Variants in PRKN observed in about 807,000 individuals in gnomAD.
PRKN encodes parkin RBR E3 ubiquitin protein ligase, also known as E3 ubiquitin-protein ligase parkin.
Under a neutral mutation model 59.5 loss-of-function variants are expected in PRKN, and 56 were observed. That is an observed-to-expected ratio of 0.94 (90% CI 0.76 to 1.18). The LOEUF (loss-of-function observed/expected upper bound fraction) is 1.18, where lower values mean the gene tolerates loss of function less well. PRKN is among the 50% of genes most tolerant of loss of function. PRKN has a pLI of 0.00. For synonymous variants in PRKN, 250 were observed against 222.1 expected, an observed-to-expected ratio of 1.13 and a Z score of -1.12; for missense variants, 657 against 596.4, an observed-to-expected ratio of 1.10 and a Z score of -1.06.
At chr6:161,864,425 T>A (rs1794030195) in intron 6 of PRKN, among the ~76,000 whole-genome samples, 1 of 152,184 alleles carries the variant, frequency 6.6e-6, no homozygotes, top group South Asian at 2.1e-4. Context: ...ATCTTCAGGC[T>A]CCACTTCTCA....
intron 4 of PRKN, among the ~76,000 whole-genome samples, chr6:162,153,319 C>G (rs1782355167): frequency 1.3e-5 from 2 of 151,924 alleles, no homozygotes; most frequent in African/African-American, 4.8e-5. Flanking sequence ...GAAGTGAGTG[C>G]AAGAAATGGT....
chr6:161,641,791 C>CTG (rs773840077), intron 7 of PRKN, among the ~76,000 whole-genome samples: 1 of 152,214 alleles, frequency 6.6e-6, no homozygotes, highest in Non-Finnish European at 1.5e-5. Context: ...GCAAAGTGCC[C>CTG]TGTGGCGCTT....
intron 1 of PRKN, among the ~76,000 whole-genome samples, chr6:162,685,642 T>C (rs937480632): frequency 2.0e-5 from 3 of 152,136 alleles, no homozygotes; most frequent in African/African-American, 7.2e-5. Context: ...GCCAAGGAAA[T>C]CCACTTACTA....
chr6:161,735,172 G>A (rs1024713989), intron 7 of PRKN, among the ~76,000 whole-genome samples: 22 of 151,156 alleles, frequency 1.5e-4, no homozygotes, highest in Non-Finnish European at 2.8e-4. Context: ...ACATGGTGAA[G>A]GGTACAGTTG....
chr6:162,726,985 T>G, intron 1 of PRKN: 1 of 138,344 alleles, frequency 7.2e-6, no homozygotes, highest in Non-Finnish European at 1.5e-5. Context: ...AACTTGCACC[T>G]CGGTCGTTCT....
At chr6:162,342,421 G>A (rs1784219159) in intron 2 of PRKN, among the ~76,000 whole-genome samples, 1 of 152,212 alleles carries the variant, frequency 6.6e-6, no homozygotes. Context: ...ACGATGTGAA[G>A]TAGTTTACAT....
rs1315265227 is a variant in PRKN, at chr6:161,561,515, G to A, written c.933+7840C>T. 6.6e-6 allele frequency among the ~76,000 whole-genome samples: 1 copy of A among 152,100 alleles called. No individual in the cohort carries two copies. Among genetic ancestry groups the A allele is most frequent in the Non-Finnish European group, 1.5e-5 (1 of 68,022 alleles). On this transcript the variant is annotated intron_variant, in intron 8 of 11. Coordinates refer to ENST00000366898, the MANE Select transcript of PRKN (RefSeq NM_004562.3). This position sits in a 1 kb window ranked among gnomAD's most constrained non-coding sequence, Gnocchi z 5.0. ...AGTGAAAAATGACATCTTCCTTCGT[G>A]GAGCCATCATACTGCATCTCTCCTC...
At chr6:161,615,786 T>C (rs1782671363) in intron 7 of PRKN, among the ~76,000 whole-genome samples, 1 of 152,224 alleles carries the variant, frequency 6.6e-6, no homozygotes, top group Admixed American at 6.5e-5. Context: ...ATGGCTGCAG[T>C]GGCTGCAACG....
At chr6:161,783,622 G>T (rs1790300020) in intron 7 of PRKN, 3 of 499,932 alleles carry the variant, frequency 6.0e-6, no homozygotes, top group African/African-American at 5.9e-5. Context: ...GTGAAGGGAA[G>T]ACTTGAAAAT....
intron 4 of PRKN, among the ~76,000 whole-genome samples, chr6:162,123,220 A>G (rs1277958736): frequency 1.3e-5 from 2 of 152,144 alleles, no homozygotes; most frequent in African/African-American, 2.4e-5. Context: ...TTCCATGTCC[A>G]AAAGTACAAG....
At chr6:162,256,274 T>G (rs1779636424) in intron 3 of PRKN, among the ~76,000 whole-genome samples, 1 of 152,180 alleles carries the variant, frequency 6.6e-6, no homozygotes, top group African/African-American at 2.4e-5. Context: ...CTGTTTTTCT[T>G]ACATAAGTAG....
chr6:162,701,292 A>C (rs1187213737), intron 1 of PRKN, among the ~76,000 whole-genome samples: 1 of 152,198 alleles, frequency 6.6e-6, no homozygotes, highest in African/African-American at 2.4e-5. Flanking sequence ...TAATGTAACG[A>C]GGGACTTCTG....
chr6:162,289,525 C>T (rs1172116289), intron 2 of PRKN, among the ~76,000 whole-genome samples: 1 of 151,798 alleles, frequency 6.6e-6, no homozygotes, highest in Non-Finnish European at 1.5e-5. Flanking sequence ...GATGAAAACC[C>T]GTCTCTACTG....
chr6:162,614,054 T>C (rs566948620), intron 1 of PRKN, among the ~76,000 whole-genome samples: 52 of 152,340 alleles, frequency 3.4e-4, no homozygotes, highest in African/African-American at 1.1e-3. Flanking sequence ...ATTCTGATTA[T>C]GTATTCTGTA....
At chr6:162,239,591 T>C (rs1778900437) in intron 3 of PRKN, among the ~76,000 whole-genome samples, 1 of 151,924 alleles carries the variant, frequency 6.6e-6, no homozygotes, top group African/African-American at 2.4e-5. Context: ...CTCAACTGCA[T>C]GTCAGGAGAA....
intron 1 of PRKN, chr6:162,569,554 C>G (rs1439743251): frequency 4.2e-6 from 3 of 717,816 alleles, no homozygotes; most frequent in Non-Finnish European, 7.8e-6. Context: ...TGAGCTTGGC[C>G]TATGGGGGTC....
At chr6:162,370,561 G>T (rs1785710023) in intron 2 of PRKN, among the ~76,000 whole-genome samples, 3 of 152,084 alleles carry the variant, frequency 2.0e-5, no homozygotes, top group Non-Finnish European at 4.4e-5. Context: ...TAATTGGAGG[G>T]GTGGGAGAGA....
intron 3 of PRKN, among the ~76,000 whole-genome samples, chr6:162,213,299 A>G (rs1192200505): frequency 6.6e-6 from 1 of 152,186 alleles, no homozygotes; most frequent in Non-Finnish European, 1.5e-5. Context: ...TTTGTGAGAA[A>G]ATAATGAAAC....
Position 161,378,931 on chromosome 6 carries a change from GC to G in PRKN, c.1167+7862del, listed in dbSNP as rs1312079189. Among the ~76,000 whole-genome samples the G allele has an allele frequency of 6.6e-6, 1 of 152,138 alleles. No individual in the cohort carries two copies. The highest frequency in any genetic ancestry group is 1.5e-5 in the Non-Finnish European group (1 of 68,036). On this transcript the variant is annotated intron_variant, in intron 10 of 11. Coordinates refer to ENST00000366898, the MANE Select transcript of PRKN (RefSeq NM_004562.3). This position sits in a 1 kb window ranked among gnomAD's most constrained non-coding sequence, Gnocchi z 7.3. ...TTATGCTCTCCATCTGTGCAACCTG[GC>G]CTTGCATATATAGGGGCCCTGGCTT...
Sources: gnomAD v4.1 joint callset for allele counts (sites outside exome capture counted in the v4.1 genomes callset) on GRCh38, gnomAD v4.1.1 for gene constraint, Gnocchi (gnomAD v3.1) non-coding constraint, MANE v1.5 for transcripts, NCBI Gene and HGNC (gene_info 2026-07-23, HGNC 2026-07-21) for gene names.